The following PPP2R2D variants were observed in gnomAD, a reference collection of about 807,000 sequenced individuals.
PPP2R2D encodes serine/threonine-protein phosphatase 2A 55 kDa regulatory subunit B delta isoform.
PPP2R2D carries 9 observed loss-of-function variants against 31.1 expected under a neutral mutation model. The ratio of observed to expected loss-of-function variants is 0.29; its 90% CI spans 0.17 to 0.51. The LOEUF (loss-of-function observed/expected upper bound fraction) is 0.51. Ranked by LOEUF, PPP2R2D falls within the 20% of genes least tolerant of loss-of-function variation. The pLI, the probability that PPP2R2D is intolerant of heterozygous loss-of-function variation, is 0.98. For synonymous variants in PPP2R2D, 179 were observed against 172.6 expected, an observed-to-expected ratio of 1.04 and a Z score of -0.29; for missense variants, 391 against 465.6, an observed-to-expected ratio of 0.84 and a Z score of 1.48.
At chr10:131,955,279 C>T (rs782341182) in intron 8 of PPP2R2D, among the ~76,000 whole-genome samples, 3 of 152,172 alleles carry the variant, frequency 2.0e-5, no homozygotes, top group Non-Finnish European at 4.4e-5. Context: ...GAAACATTGA[C>T]AGATATGACT....
At chr10:131,929,945 A>G (rs1327111995) in intron 2 of PPP2R2D, among the ~76,000 whole-genome samples, 2 of 151,948 alleles carry the variant, frequency 1.3e-5, no homozygotes, top group African/African-American at 4.8e-5. Flanking sequence ...CTCACTTTTC[A>G]TTCCGTGGTT....
At chr10:131,923,063 A>G (rs2036025205) in intron 2 of PPP2R2D, among the ~76,000 whole-genome samples, 1 of 152,194 alleles carries the variant, frequency 6.6e-6, no homozygotes, top group Non-Finnish European at 1.5e-5. Flanking sequence ...GCGGGTGAAT[A>G]TTCAGTTTTG....
At chr10:131,913,072 G>C (rs2035709873) in intron 2 of PPP2R2D, among the ~76,000 whole-genome samples, 1 of 152,166 alleles carries the variant, frequency 6.6e-6, no homozygotes. Flanking sequence ...ACCCAGGCTG[G>C]AGTGCAGTGG....
At chr10:131,950,275 T>A (rs913285216) in intron 8 of PPP2R2D, among the ~76,000 whole-genome samples, 1 of 151,994 alleles carries the variant, frequency 6.6e-6, no homozygotes, top group African/African-American at 2.4e-5. Flanking sequence ...AGGCTTAAAG[T>A]GACAGTGGCC....
chr10:131,910,501 G>A (rs2035665139), intron 2 of PPP2R2D, among the ~76,000 whole-genome samples: 2 of 152,302 alleles, frequency 1.3e-5, no homozygotes, highest in South Asian at 4.1e-4. Flanking sequence ...TCTGTGAAGT[G>A]AGGGACGCAG....
chr10:131,910,572 AGTT>A (rs1398825686), intron 2 of PPP2R2D, among the ~76,000 whole-genome samples: 109 of 152,340 alleles, frequency 7.2e-4, no homozygotes, highest in Non-Finnish European at 1.3e-3. Flanking sequence ...AAAGTTGGTC[AGTT>A]GTTCTTTCAA....
the PPP2R2D span, chr10:131,966,949 C>G: frequency 6.6e-6 from 1 of 151,238 alleles, no homozygotes; most frequent in Non-Finnish European, 1.5e-5. Context: ...GGCATGATCT[C>G]CACTCACTGC....
downstream of PPP2R2D, among the ~76,000 whole-genome samples, chr10:131,960,091 G>A (rs757238829): frequency 2.0e-5 from 3 of 152,354 alleles, no homozygotes; most frequent in Non-Finnish European, 4.4e-5. Flanking sequence ...AGTCCTGTCC[G>A]TTTCTGTGGG....
intron 2 of PPP2R2D, among the ~76,000 whole-genome samples, chr10:131,931,401 G>A (rs2036224022): frequency 6.6e-6 from 1 of 152,174 alleles, no homozygotes; most frequent in African/African-American, 2.4e-5. Context: ...AGGCTGGAGT[G>A]CAGTGGCGTG....
At chr10:131,906,596 G>A (rs2035588089) in intron 2 of PPP2R2D, among the ~76,000 whole-genome samples, 1 of 151,986 alleles carries the variant, frequency 6.6e-6, no homozygotes, top group East Asian at 1.9e-4. Context: ...GTTAACTGTA[G>A]CATCAGCACC....
rs1464158708 is a variant in PPP2R2D, at chr10:131,956,660, G to A, written c.*697G>A. On this transcript the variant is annotated 3_prime_UTR_variant, in exon 9 of 9. Coordinates refer to ENST00000455566, the MANE Select transcript of PPP2R2D (RefSeq NM_018461.5). ...GTGTGTCCTTCTTTGGCAGCGTGGG[G>A]GTATGTGTGCAGCATTTCTGTCCCC... The A allele has an allele frequency of 5.6e-6, 4 of 709,410 alleles. No homozygotes were observed. Among genetic ancestry groups the A allele is most frequent in the Non-Finnish European group, 6.9e-6 (4 of 578,010 alleles). The allele number at this position is 709,410 out of a possible 1,614,324, so 43.9% of individuals were successfully genotyped here.
intron 8 of PPP2R2D, among the ~76,000 whole-genome samples, chr10:131,952,031 AG>A (rs1235816152): frequency 5.7e-5 from 7 of 122,262 alleles, no homozygotes; most frequent in African/African-American, 1.2e-4. Context: ...GCGGGTGTGC[AG>A]GGGGTTCACC....
chr10:131,952,354 G>T (rs1188401543), intron 8 of PPP2R2D, among the ~76,000 whole-genome samples: 2 of 68,586 alleles, frequency 2.9e-5, no homozygotes, highest in African/African-American at 6.3e-5. Flanking sequence ...GTGTGGGGGG[G>T]GTTCACTGTC....
chr10:131,935,592 A>G (rs1345580680), intron 3 of PPP2R2D, among the ~76,000 whole-genome samples: 2 of 152,176 alleles, frequency 1.3e-5, no homozygotes, highest in Non-Finnish European at 2.9e-5. Context: ...TTGCAGCTTT[A>G]TTTTGATTAT....
intron 2 of PPP2R2D, among the ~76,000 whole-genome samples, chr10:131,930,449 G>A (rs372447023): frequency 3.9e-5 from 6 of 152,196 alleles, no homozygotes; most frequent in East Asian, 3.8e-4. Flanking sequence ...ATTGCCTCTC[G>A]CAGCAGTTTC....
At chr10:131,932,234 G>T (rs1589944989) in intron 2 of PPP2R2D, among the ~76,000 whole-genome samples, 2 of 152,132 alleles carry the variant, frequency 1.3e-5, no homozygotes, top group African/African-American at 4.8e-5. Context: ...AGTGTGACAT[G>T]GCAGTGGGGC....
chr10:131,929,939 CTT>C lies in PPP2R2D; in HGVS notation c.101-4516_101-4515del, dbSNP rs371653043. Reference sequence around the variant, plus strand: ...GTAACTCCTGTGCTGGGACTGCTCACTTTTCATTCCGTGGTTTCGAACCGTCA... The same window carrying C: ...GTAACTCCTGTGCTGGGACTGCTCACTTCATTCCGTGGTTTCGAACCGTCA... On this transcript the variant is annotated intron_variant, in intron 2 of 8. Transcript: ENST00000455566. 1.7e-3 allele frequency among the ~76,000 whole-genome samples: 259 copies of C among 152,304 alleles called. 2 individuals are homozygous for C. The South Asian group carries it at 0.018, about 11-fold the overall frequency.
Position 131,901,109 on chromosome 10 carries a change from T to C in PPP2R2D, c.-40T>C, listed in dbSNP as rs1218566056. The C allele has an allele frequency of 1.4e-5, 3 of 222,176 alleles. No homozygotes were observed. The highest frequency in any genetic ancestry group is 2.4e-5 in the African/African-American group (1 of 42,026). The allele number at this position is 222,176 out of a possible 1,614,324, so 13.8% of individuals were successfully genotyped here. On this transcript the variant is annotated 5_prime_UTR_variant, in exon 1 of 9. Coordinates refer to ENST00000455566, the MANE Select transcript of PPP2R2D (RefSeq NM_018461.5). ...TGCAGCGGCGCGGAGGCCGTCTCCCTGGTCTGCCGCGGTCCCCGCCCGTCC... is the reference window on the plus strand; with the variant it reads ...TGCAGCGGCGCGGAGGCCGTCTCCCCGGTCTGCCGCGGTCCCCGCCCGTCC...
Position 131,950,575 on chromosome 10 carries a change from T to C in PPP2R2D, c.1082+2784T>C, listed in dbSNP as rs1467942111. ...AGTAGATGCTCGTTCAAGAATCTGC[T>C]TGTGATAAAGGCATTTTCAAATGGG... On this transcript the variant is annotated intron_variant, in intron 8 of 8. Coordinates refer to ENST00000455566, the MANE Select transcript of PPP2R2D (RefSeq NM_018461.5). Among the ~76,000 whole-genome samples the C allele has an allele frequency of 2.0e-5, 3 of 152,190 alleles. No individual in the cohort carries two copies. The East Asian group carries it at 5.8e-4, about 29-fold the overall frequency.
Sources: gnomAD v4.1 joint callset for allele counts (sites outside exome capture counted in the v4.1 genomes callset) on GRCh38, gnomAD v4.1.1 for gene constraint, MANE v1.5 for transcripts, NCBI Gene and HGNC (gene_info 2026-07-23, HGNC 2026-07-21) for gene names.